The following LRMDA variants were observed in gnomAD, a reference collection of about 807,000 sequenced individuals.
LRMDA encodes the protein leucine rich melanocyte differentiation associated.
A neutral mutation model predicts 29.8 loss-of-function variants in LRMDA; 18 were observed. The ratio of observed to expected loss-of-function variants is 0.60; its 90% CI spans 0.42 to 0.90. The LOEUF (loss-of-function observed/expected upper bound fraction) is 0.90, where lower values mean the gene tolerates loss of function less well. Among genes scored for constraint, LRMDA ranks in the 40% least tolerant of loss-of-function variants. LRMDA has a pLI of 0.00. For missense variants in LRMDA, 273 were observed against 273.9 expected (o/e 1.00, Z 0.02); for synonymous variants, 125 against 109.4 (o/e 1.14, Z -0.89).
chr10:76,323,554 T>A (rs1840797686), intron 5 of LRMDA, among the ~76,000 whole-genome samples: 1 of 152,144 alleles, frequency 6.6e-6, no homozygotes, highest in Non-Finnish European at 1.5e-5. Context: ...ACAGCGGTAA[T>A]GCTTCTTGCT....
At chr10:75,600,025 C>T (rs751458400) in intron 2 of LRMDA, among the ~76,000 whole-genome samples, 3 of 152,148 alleles carry the variant, frequency 2.0e-5, no homozygotes, top group Non-Finnish European at 2.9e-5. Flanking sequence ...ATAAGTATAA[C>T]CCATTTTACA....
At chr10:76,246,167 G>A (rs1852372149) in intron 5 of LRMDA, among the ~76,000 whole-genome samples, 1 of 152,134 alleles carries the variant, frequency 6.6e-6, no homozygotes, top group Non-Finnish European at 1.5e-5. Context: ...GTTCCACGCG[G>A]TACTACTGCT....
intron 2 of LRMDA, among the ~76,000 whole-genome samples, chr10:75,442,434 A>G (rs1844338862): frequency 6.6e-6 from 1 of 152,226 alleles, no homozygotes; most frequent in East Asian, 1.9e-4. Flanking sequence ...TGTTTTGTAT[A>G]TGGTGTGAGA....
chr10:76,025,306 CCTGCT>C (rs1310584871), intron 2 of LRMDA, among the ~76,000 whole-genome samples: 1 of 147,140 alleles, frequency 6.8e-6, no homozygotes, highest in Non-Finnish European at 1.5e-5. Flanking sequence ...TGGAGAGACA[CCTGCT>C]CCTTGTCTCT....
chr10:75,560,829 A>G (rs1416906121), intron 2 of LRMDA, among the ~76,000 whole-genome samples: 3 of 152,102 alleles, frequency 2.0e-5, no homozygotes, highest in Non-Finnish European at 4.4e-5. Flanking sequence ...TATATGCTGG[A>G]TTACATTTAT....
intron 2 of LRMDA, among the ~76,000 whole-genome samples, chr10:75,615,989 A>T (rs1235456456): frequency 6.6e-6 from 1 of 152,224 alleles, no homozygotes; most frequent in Non-Finnish European, 1.5e-5. Flanking sequence ...TAGGTATATT[A>T]GTCTGTTCTC....
chr10:75,522,982 C>T (rs1301754140), intron 2 of LRMDA, among the ~76,000 whole-genome samples: 1 of 152,192 alleles, frequency 6.6e-6, no homozygotes, highest in African/African-American at 2.4e-5. Flanking sequence ...GGCATTTGCT[C>T]AGCAATCAGA....
At chr10:76,088,044 C>T (rs1457806491) in intron 5 of LRMDA, among the ~76,000 whole-genome samples, 1 of 152,094 alleles carries the variant, frequency 6.6e-6, no homozygotes, top group Non-Finnish European at 1.5e-5. Context: ...CACTTGAACC[C>T]GGGAGGTTGA....
chr10:76,153,771 C>A lies in LRMDA; in HGVS notation c.516+94988C>A, dbSNP rs542337459. On this transcript the variant is annotated intron_variant, in intron 5 of 6. Transcript: ENST00000611255. ...TTAGGGGTGCAGTCCTGGGATATAA[C>A]CTTGGCAATAGAAATTTAGTGCTTC... Among the ~76,000 whole-genome samples, 34 of 152,260 alleles carry A rather than the reference C, an allele frequency of 2.2e-4. No individual in the cohort carries two copies. The East Asian group carries it at 2.3e-3, about 10-fold the overall frequency.
intron 5 of LRMDA, among the ~76,000 whole-genome samples, chr10:76,142,937 C>T (rs965665756): frequency 7.3e-5 from 11 of 150,992 alleles, no homozygotes; most frequent in Non-Finnish European, 1.3e-4. Context: ...TGAGAACATG[C>T]GGTGTTTGGT....
intron 6 of LRMDA, among the ~76,000 whole-genome samples, chr10:76,544,626 C>T (rs1843396888): frequency 6.6e-6 from 1 of 151,788 alleles, no homozygotes; most frequent in Non-Finnish European, 1.5e-5. Flanking sequence ...ACTCTTATAA[C>T]CTGCTTTCTA....
At chr10:76,074,948 T>C (rs942535409) in intron 5 of LRMDA, among the ~76,000 whole-genome samples, 3 of 152,160 alleles carry the variant, frequency 2.0e-5, no homozygotes, top group Non-Finnish European at 4.4e-5. Context: ...ATGCAATGGC[T>C]CTGCATTTTT....
At chr10:76,441,093 A>T (rs1842297615) in intron 6 of LRMDA, among the ~76,000 whole-genome samples, 1 of 151,958 alleles carries the variant, frequency 6.6e-6, no homozygotes, top group Non-Finnish European at 1.5e-5. Flanking sequence ...CACCTTCTTC[A>T]TTATTTACAG....
At chr10:75,478,517 G>C (rs1375062420) in intron 2 of LRMDA, among the ~76,000 whole-genome samples, 1 of 152,108 alleles carries the variant, frequency 6.6e-6, no homozygotes, top group Admixed American at 6.5e-5. Flanking sequence ...TAAGCTTTCT[G>C]TTTCAATGTA....
At chr10:75,557,459 T>A (rs2132059103) in intron 2 of LRMDA, among the ~76,000 whole-genome samples, 1 of 152,286 alleles carries the variant, frequency 6.6e-6, no homozygotes, top group South Asian at 2.1e-4. Context: ...AATGGCTGTG[T>A]AACTGCTTTG....
intron 6 of LRMDA, among the ~76,000 whole-genome samples, chr10:76,465,828 C>T (rs1428894961): frequency 5.3e-5 from 8 of 151,976 alleles, no homozygotes; most frequent in African/African-American, 1.2e-4. Context: ...CCTCTCCCCT[C>T]CCCTTGTAGG....
chr10:75,769,105 T>C (rs899508911), intron 2 of LRMDA, among the ~76,000 whole-genome samples: 2 of 152,216 alleles, frequency 1.3e-5, no homozygotes, highest in African/African-American at 2.4e-5. Flanking sequence ...GAAATTGCAA[T>C]CAGAGGTTTG....
At chr10:75,661,447 G>A (rs1841751606) in intron 2 of LRMDA, among the ~76,000 whole-genome samples, 1 of 152,180 alleles carries the variant, frequency 6.6e-6, no homozygotes, top group African/African-American at 2.4e-5. Flanking sequence ...GCTGGGACTT[G>A]AGAATCTACA....
intron 6 of LRMDA, among the ~76,000 whole-genome samples, chr10:76,333,428 C>G (rs1840928272): frequency 6.6e-6 from 1 of 152,102 alleles, no homozygotes; most frequent in Non-Finnish European, 1.5e-5. Flanking sequence ...AGGTTCTGTG[C>G]CCATAGACTG....
Sources: gnomAD v4.1 joint callset for allele counts (sites outside exome capture counted in the v4.1 genomes callset) on GRCh38, gnomAD v4.1.1 for gene constraint, MANE v1.5 for transcripts, NCBI Gene and HGNC (gene_info 2026-07-23, HGNC 2026-07-21) for gene names.